The following CHD7 variants were observed in gnomAD, a reference collection of about 807,000 sequenced individuals.
CHD7 encodes chromodomain helicase DNA binding protein 7, also known as ATP-dependent chromatin remodeler CHD7.
Under a neutral mutation model 307.3 loss-of-function variants are expected in CHD7, and 24 were observed. That is an observed-to-expected ratio of 0.08 (90% confidence interval 0.06 to 0.11). The LOEUF is 0.11. Ranked by LOEUF, CHD7 falls within the 10% of genes least tolerant of loss-of-function variation. CHD7 has a pLI of 1.00. For missense variants in CHD7, 3,106 were observed against 3,727.1 expected, an observed-to-expected ratio of 0.83 and a Z score of 4.34; for synonymous variants, 1,363 against 1,349.9, an observed-to-expected ratio of 1.01 and a Z score of -0.21.
At position 60,853,401 on chromosome 8, in the gene CHD7, G is replaced by T; in HGVS notation, c.6676G>T (p.Asp2226Tyr). ...NELKGVEVGA[D>Y]TGSKSISEKG... is the part of the protein sequence containing the mutation. ...ACTGAAAGGTGTTGAGGTCGGCGCA[G>T]ACACTGGGTCCAAATCTATTTCAGA... Residue 2226 changes from aspartate to tyrosine, a missense_variant, in exon 31 of 38, where the codon GAC becomes TAC. Around this residue, in one of 10 missense-constraint regions of CHD7, gnomAD observed 1,030 missense variants for 1,165.4 expected, o/e 0.88. Coordinates refer to ENST00000423902, the MANE Select transcript of CHD7 (RefSeq NM_017780.4). 6.5e-7 allele frequency: 1 copy of T among 1,532,216 alleles called. No individual in the cohort carries two copies. Among genetic ancestry groups the T allele is most frequent in the Non-Finnish European group, 8.7e-7 (1 of 1,143,694 alleles). 94.9% of individuals were successfully genotyped at this position (1,532,216 alleles called of 1,614,324 possible).
rs1327412023 is a variant in CHD7, at chr8:60,866,801, A to AT, written c.*875dup. 1 of 152,544 alleles carries AT rather than the reference A, an allele frequency of 6.6e-6. No homozygotes were observed. The highest frequency in any genetic ancestry group is 1.5e-5 in the Non-Finnish European group (1 of 68,014). The allele number at this position is 152,544 out of a possible 1,614,324, so 9.4% of individuals were successfully genotyped here. A position where few individuals can be genotyped will look rare whatever the true frequency, so the allele number is the denominator to read the frequency against. ...TTTTTCTTTGTTGTGATGTCCTTTT[A>AT]TTTTTTTCTTTGAAAACTGCTATCA... is the stretch of plus-strand genomic sequence containing the variant. On this transcript the variant is annotated 3_prime_UTR_variant, in exon 38 of 38. Coordinates refer to ENST00000423902, the MANE Select transcript of CHD7 (RefSeq NM_017780.4).
intron 1 of CHD7, among the ~76,000 whole-genome samples, chr8:60,731,878 C>T (rs578052246): frequency 6.6e-6 from 1 of 152,186 alleles, no homozygotes; most frequent in East Asian, 1.9e-4. Flanking sequence ...TTTATAATTC[C>T]TGTGTATTTC....
intron 1 of CHD7, among the ~76,000 whole-genome samples, chr8:60,702,172 A>G (rs1041789626): frequency 9.2e-5 from 14 of 152,210 alleles, no homozygotes; most frequent in Non-Finnish European, 1.3e-4. Flanking sequence ...ATATGGGGGC[A>G]GGTGGTGTGT....
intron 13 of CHD7, among the ~76,000 whole-genome samples, chr8:60,827,905 A>G (rs1219906931): frequency 6.6e-6 from 1 of 152,100 alleles, no homozygotes; most frequent in Non-Finnish European, 1.5e-5. Flanking sequence ...CCAAATGGCC[A>G]AAGTAGAAAA....
chr8:60,785,586 C>G (rs1320687266), intron 3 of CHD7, among the ~76,000 whole-genome samples: 1 of 152,092 alleles, frequency 6.6e-6, no homozygotes, highest in Admixed American at 6.5e-5. Flanking sequence ...AGAGTAGCAA[C>G]GTTTACCTGA....
chr8:60,765,714 AGCCCCGCACCAGT>A (rs1810441811), intron 2 of CHD7, among the ~76,000 whole-genome samples: 1 of 152,252 alleles, frequency 6.6e-6, no homozygotes, highest in African/African-American at 2.4e-5. Flanking sequence ...GGCCGGGGGC[AGCCCCGCACCAGT>A]GGTGCTGAGG....
intron 7 of CHD7, among the ~76,000 whole-genome samples, chr8:60,813,843 A>G (rs1812922884): frequency 6.6e-6 from 1 of 151,274 alleles, no homozygotes; most frequent in South Asian, 2.1e-4. Flanking sequence ...TATAAGTATT[A>G]TAAATATAAA....
At chr8:60,861,167 C>T (rs1356672207) in intron 35 of CHD7, 42 bp downstream of exon 35, 3 of 1,447,600 alleles carry the variant, frequency 2.1e-6, no homozygotes, top group African/African-American at 1.4e-5. Context: ...ATCTTGCAGG[C>T]CGGTCCACTT....
intron 8 of CHD7, among the ~76,000 whole-genome samples, chr8:60,816,830 T>C (rs1803771144): frequency 6.6e-6 from 1 of 152,186 alleles, no homozygotes; most frequent in African/African-American, 2.4e-5. Flanking sequence ...GGTTAAGAAA[T>C]CTACAATGTT....
chr8:60,729,157 A>G (rs1210055954), intron 1 of CHD7, among the ~76,000 whole-genome samples: 2 of 152,252 alleles, frequency 1.3e-5, no homozygotes, highest in Admixed American at 6.5e-5. Flanking sequence ...AACTTTTGCC[A>G]TAAGTTATTT....
intron 4 of CHD7, among the ~76,000 whole-genome samples, 164 bp from the exon 5 acceptor site, chr8:60,800,224 G>T (rs1048561783): frequency 6.6e-6 from 1 of 152,022 alleles, no homozygotes; most frequent in African/African-American, 2.4e-5. Context: ...AGTAGAGACG[G>T]TGTTTCACCA....
intron 2 of CHD7, among the ~76,000 whole-genome samples, chr8:60,768,797 A>T (rs760463329): frequency 6.6e-6 from 1 of 151,052 alleles, no homozygotes; most frequent in African/African-American, 2.4e-5. Flanking sequence ...TACAGAGTTC[A>T]TTCAAATAAT....
At chr8:60,831,855 A>T (rs934809370) in intron 15 of CHD7, among the ~76,000 whole-genome samples, 1 of 152,092 alleles carries the variant, frequency 6.6e-6, no homozygotes, top group Non-Finnish European at 1.5e-5. Flanking sequence ...AAGAATTTCT[A>T]ATCTTTCCCC....
In CHD7 at chr8:60,795,630, G is replaced by T. The variant is rs183773494; in HGVS notation, c.2238+503G>T. ...GTAATACTAAAGTTTCTATGAACAA[G>T]CCAGTGACTTTCCAAATGGCAACTC... is the stretch of plus-strand genomic sequence containing the variant. On this transcript the variant is annotated intron_variant, in intron 4 of 37. Transcript: ENST00000423902. 3.0e-3 allele frequency among the ~76,000 whole-genome samples: 459 copies of T among 152,242 alleles called. 6 individuals are homozygous for T. Among genetic ancestry groups the T allele is most frequent in the African/African-American group, 0.011 (437 of 41,526 alleles).
intron 2 of CHD7, among the ~76,000 whole-genome samples, chr8:60,753,033 C>T (rs2150600602): frequency 6.6e-6 from 1 of 152,322 alleles, no homozygotes; most frequent in Middle Eastern, 3.4e-3. Context: ...CATTACTAAG[C>T]TAACTCCATT....
chr8:60,743,892 T>C (rs773051904), intron 2 of CHD7, among the ~76,000 whole-genome samples: 4 of 152,246 alleles, frequency 2.6e-5, no homozygotes, highest in African/African-American at 4.8e-5. Context: ...AAATATATAC[T>C]GATTATCTAC....
Position 60,741,559 on chromosome 8 carries a change from A to G in CHD7, c.127A>G (p.Ile43Val), listed in dbSNP as rs201542180. 1.8e-4 allele frequency: 287 copies of G among 1,613,536 alleles called. 2 individuals carry two copies. Among genetic ancestry groups the G allele is most frequent in the Admixed American group, 8.5e-4 (51 of 59,962 alleles). The change falls in exon 2 of 38, where the codon ATA (isoleucine) becomes GTA (valine). Residue 43 changes from isoleucine (I) to valine (V), a missense_variant. By Grantham distance (29) the Ile-to-Val change is conservative. This residue lies in a region of CHD7 where 998 missense variants were observed against 1,004.5 expected (regional missense o/e 0.99). Transcript: ENST00000423902. ...AAATCCTATGGGTCAGCAAATGCCA[A>G]TAGACCAAGGCTTTGCCTCTTTACA... ...PVNPMGQQMP[I>V]DQGFASLQPS...
intron 1 of CHD7, among the ~76,000 whole-genome samples, chr8:60,716,080 A>G (rs1429009889): frequency 1.3e-5 from 2 of 152,218 alleles, no homozygotes; most frequent in Admixed American, 1.3e-4. Flanking sequence ...CACAAGCTAC[A>G]TTGAATTTGT....
chr8:60,747,740 G>A (rs1372815238), intron 2 of CHD7, among the ~76,000 whole-genome samples: 1 of 152,232 alleles, frequency 6.6e-6, no homozygotes, highest in Non-Finnish European at 1.5e-5. Flanking sequence ...GAAGGAAAGA[G>A]TACAGGCTTT....
Sources: gnomAD v4.1 joint callset for allele counts (sites outside exome capture counted in the v4.1 genomes callset) on GRCh38, gnomAD v4.1.1 for gene constraint, gnomAD v4.1.1 regional missense constraint, MANE v1.5 for transcripts, NCBI Gene and HGNC (gene_info 2026-07-23, HGNC 2026-07-21) for gene names.